Variants in FANCM observed in about 807,000 individuals in gnomAD.
FANCM encodes the protein FA complementation group M.
FANCM carries 140 observed loss-of-function variants against 199.5 expected under a neutral mutation model. That is an observed-to-expected ratio of 0.70 (90% CI 0.61 to 0.81). FANCM has a LOEUF of 0.81. Among genes scored for constraint, FANCM ranks in the 30% least tolerant of loss-of-function variants. The pLI is 0.00. For missense variants in FANCM, 2,410 were observed against 2,421.4 expected (o/e 1.00, Z 0.10); for synonymous variants, 840 against 836.8 (o/e 1.00, Z -0.07).
intron 21 of FANCM, among the ~76,000 whole-genome samples, chr14:45,196,899 G>A (rs1890090184): frequency 6.6e-6 from 1 of 152,222 alleles, no homozygotes; most frequent in Non-Finnish European, 1.5e-5. Flanking sequence ...GAGGAGTTGA[G>A]AATTACTGAG....
intron 20 of FANCM, among the ~76,000 whole-genome samples, chr14:45,191,545 T>C (rs1889766792): frequency 6.6e-6 from 1 of 152,206 alleles, no homozygotes; most frequent in Non-Finnish European, 1.5e-5. Flanking sequence ...ACTAACACTT[T>C]AAGCAATATT....
intron 2 of FANCM, 99 bp downstream of exon 2, chr14:45,137,340 TA>T: frequency 2.1e-6 from 2 of 940,382 alleles, no homozygotes; most frequent in Non-Finnish European, 3.4e-6. Flanking sequence ...ACAATATTAT[TA>T]TAAAAAGCCT....
chr14:45,170,396 A>G lies in FANCM; in HGVS notation c.2003-193A>G, dbSNP rs529015003. Among the ~76,000 whole-genome samples, 12 of 152,294 alleles carry G rather than the reference A, an allele frequency of 7.9e-5. No homozygotes were observed. In the East Asian group the frequency reaches 2.1e-3, roughly 27 times the overall value. Reference sequence around the variant, plus strand: ...AAGAAAAGTAGATGGGCCTGGTGGCATGAGCCTGTATTCCAGCTCCTGTGG... The same window carrying G: ...AAGAAAAGTAGATGGGCCTGGTGGCGTGAGCCTGTATTCCAGCTCCTGTGG... On this transcript the variant is annotated intron_variant, in intron 11 of 22. Coordinates refer to ENST00000267430, the MANE Select transcript of FANCM (RefSeq NM_020937.4).
chr14:45,175,945 G>T lies in FANCM; in HGVS notation c.3191G>T (p.Ser1064Ile). The T allele has an allele frequency of 1.9e-6, 3 of 1,613,342 alleles. No individual in the cohort carries two copies. The highest frequency in any genetic ancestry group is 4.5e-5 in the East Asian group (2 of 44,840). ...LKCINYPSEKSCLYDIPNDNI... is the reference protein window; with the variant it reads ...LKCINYPSEKICLYDIPNDNI... ...TGTATAAATTATCCATCTGAAAAAAGTTGCCTTTATGATATACCTAATGAT... is the reference window on the plus strand; with the variant it reads ...TGTATAAATTATCCATCTGAAAAAATTTGCCTTTATGATATACCTAATGAT... The change falls in exon 14 of 23, where the codon AGT becomes ATT. Residue 1064 changes from serine (S) to isoleucine (I), a missense_variant. By Grantham distance (142) the Ser-to-Ile change is moderately radical. Coordinates refer to ENST00000267430, the MANE Select transcript of FANCM (RefSeq NM_020937.4).
chr14:45,155,585 G>A (rs992236157), intron 8 of FANCM, 126 bp downstream of exon 8: 3 of 572,382 alleles, frequency 5.2e-6, no homozygotes, highest in Non-Finnish European at 6.5e-6. Flanking sequence ...GATCACGGGA[G>A]GTCAGGAGTT....
At chr14:45,144,944 A>G (rs1886255632) in intron 3 of FANCM, among the ~76,000 whole-genome samples, 1 of 151,852 alleles carries the variant, frequency 6.6e-6, no homozygotes, top group East Asian at 2.0e-4. Flanking sequence ...GCTGGGTTTC[A>G]CTGGAAGCCA....
At position 45,136,528 on chromosome 14, in the gene FANCM, C is replaced by G. The variant is rs555879731; in HGVS notation, c.497C>G (p.Ala166Gly). The G allele has an allele frequency of 2.5e-6, 4 of 1,613,704 alleles. No homozygotes were observed. Among genetic ancestry groups the G allele is most frequent in the Non-Finnish European group, 3.4e-6 (4 of 1,179,988 alleles). ...QVMGIPQSHMAEMTGSTQAST... is the reference protein window; with the variant it reads ...QVMGIPQSHMGEMTGSTQAST... The stretch of plus-strand genomic sequence containing the variant: ...ATGGGTATCCCGCAATCCCACATGG[C>G]CGAAATGACAGGTATCTTAGACTGG... Residue 166 changes from alanine to glycine, a missense_variant, in exon 1 of 23, where the codon GCC (alanine) becomes GGC (glycine). Physicochemically the swap from Ala to Gly is moderately conservative, Grantham distance 60 (BLOSUM62 0). Transcript: ENST00000267430.
chr14:45,141,743 C>T (rs539116851), intron 3 of FANCM, among the ~76,000 whole-genome samples: 1 of 151,730 alleles, frequency 6.6e-6, no homozygotes, highest in Non-Finnish European at 1.5e-5. Context: ...GCGTCCATCA[C>T]CACGCCTGGC....
At position 45,175,506 on chromosome 14, in the gene FANCM, A is replaced by G. The variant is rs757244993; in HGVS notation, c.2752A>G (p.Lys918Glu). ...ATGTACTATTAATGAAAATGTTATT[A>G]AAGAACCGTGTGTGTTATTAACAGA... The part of the protein sequence containing the change: ...ATCTINENVI[K>E]EPCVLLTECQ... Residue 918 changes from lysine to glutamate, a missense_variant, in exon 14 of 23, where the codon AAA becomes GAA. Coordinates refer to ENST00000267430, the MANE Select transcript of FANCM (RefSeq NM_020937.4). 38 of 1,612,934 alleles carry G rather than the reference A, an allele frequency of 2.4e-5. No individual in the cohort carries two copies. The highest frequency in any genetic ancestry group is 3.0e-5 in the Non-Finnish European group (35 of 1,179,336).
intron 9 of FANCM, among the ~76,000 whole-genome samples, chr14:45,162,563 A>G (rs1475513869): frequency 6.6e-6 from 1 of 152,188 alleles, no homozygotes; most frequent in Admixed American, 6.5e-5. Context: ...CAGTTATTGT[A>G]CTTACCTTGT....
intron 14 of FANCM, among the ~76,000 whole-genome samples, chr14:45,179,713 C>T (rs1888945513): frequency 6.6e-6 from 1 of 151,918 alleles, no homozygotes; most frequent in African/African-American, 2.4e-5. Flanking sequence ...AGGCGCCTGC[C>T]ACCACGCCCG....
rs8020533 is a variant in FANCM, at chr14:45,181,610, G to A, written c.4318-27G>A. 216,378 of 1,579,344 alleles carry A rather than the reference G, an allele frequency of 0.14. 17,702 individuals carry two copies. Among genetic ancestry groups the A allele is most frequent in the African/African-American group, 0.36 (26,519 of 74,196 alleles). The stretch of plus-strand genomic sequence containing the variant: ...TTGGGCTTCTGCTGAGACTTTTGTT[G>A]CCTTTTACTTTATTTACTTACTTTA... On this transcript the variant is annotated intron_variant, in intron 15 of 22. Transcript: ENST00000267430.
At position 45,148,200 on chromosome 14, in the gene FANCM, A is replaced by AACACACACACACACACAC. The variant is rs200351777; in HGVS notation, c.760-619_760-602dup. The stretch of plus-strand genomic sequence containing the variant: ...TGACAGAACGAGGCACCGTCTCAAA[A>AACACACACACACACACAC]ACACACACACACACACACACACACA... On this transcript the variant is annotated intron_variant, in intron 3 of 22. Transcript: ENST00000267430. 1.4e-3 allele frequency among the ~76,000 whole-genome samples: 197 copies of AACACACACACACACACAC among 142,430 alleles called. 2 individuals carry two copies. Among genetic ancestry groups the AACACACACACACACACAC allele is most frequent in the African/African-American group, 4.8e-3 (185 of 38,430 alleles). The allele number at this position is 142,430 out of a possible 152,430, so 93.4% of individuals were successfully genotyped here.
intron 14 of FANCM, among the ~76,000 whole-genome samples, chr14:45,180,069 C>T (rs950137793): frequency 3.9e-5 from 6 of 152,150 alleles, no homozygotes; most frequent in Admixed American, 1.3e-4. Context: ...AGTTCCAAAG[C>T]GACTTTCCCA....
At chr14:45,195,429 A>G in intron 20 of FANCM, 1 of 422,220 alleles carries the variant, frequency 2.4e-6, no homozygotes, top group South Asian at 1.7e-5. Context: ...TATGGAGTAG[A>G]TTTATTTTTT....
Position 45,175,353 on chromosome 14 carries a change from A to G in FANCM, c.2599A>G (p.Lys867Glu), listed in dbSNP as rs1888601587. Residue 867 changes from lysine (K) to glutamate (E), a missense_variant, in exon 14 of 23, where the codon AAA becomes GAA. Transcript: ENST00000267430. ...TAAAGAAATAAAAAAAGATCAGCTTAAAAAAGAAAATAATCACGGTATTAT... is the reference window on the plus strand; with the variant it reads ...TAAAGAAATAAAAAAAGATCAGCTTGAAAAAGAAAATAATCACGGTATTAT... ...VSKEIKKDQL[K>E]KENNHGIIDS... 6 of 1,559,212 alleles carry G rather than the reference A, an allele frequency of 3.8e-6. No homozygotes were observed. The highest frequency in any genetic ancestry group is 2.6e-6 in the Non-Finnish European group (3 of 1,150,956).
At position 45,164,711 on chromosome 14, in the gene FANCM, C is replaced by T. The variant is rs140267061; in HGVS notation, c.1788+146C>T. Reference sequence around the variant, plus strand: ...TCCCCCACTTTGTATTGGATTCTCTCTTGTAACTAGGAGAATTTTTGACTG... The same window carrying T: ...TCCCCCACTTTGTATTGGATTCTCTTTTGTAACTAGGAGAATTTTTGACTG... On this transcript the variant is annotated intron_variant, in intron 10 of 22. Coordinates refer to ENST00000267430, the MANE Select transcript of FANCM (RefSeq NM_020937.4). 6,588 of 667,422 alleles carry T rather than the reference C, an allele frequency of 9.9e-3. 48 individuals are homozygous for T. The highest frequency in any genetic ancestry group is 0.014 in the Non-Finnish European group (5,334 of 391,802). 41.3% of individuals were successfully genotyped at this position (667,422 alleles called of 1,614,324 possible). A position where few individuals can be genotyped will look rare whatever the true frequency, so the allele number is the denominator to read the frequency against.
At chr14:45,189,397 G>GATCTA in intron 20 of FANCM, 35 bp downstream of exon 20, 2 of 1,475,802 alleles carry the variant, frequency 1.4e-6, no homozygotes, top group Non-Finnish European at 1.9e-6. Context: ...ATCTTTAGAT[G>GATCTA]GTTACCAGAA....
chr14:45,181,666 A>G lies in FANCM; in HGVS notation c.4347A>G (p.Pro1449=), dbSNP rs1186362916. 6.2e-7 allele frequency: 1 copy of G among 1,611,736 alleles called. No homozygotes were observed. The highest frequency in any genetic ancestry group is 1.3e-5 in the African/African-American group (1 of 75,012). Residue 1449 remains proline, a synonymous_variant, in exon 16 of 23, where the codon CCA becomes CCG. Coordinates refer to ENST00000267430, the MANE Select transcript of FANCM (RefSeq NM_020937.4). ...EDQKNSEVDS[P]LHAVKKRRFP... The stretch of plus-strand genomic sequence containing the variant: ...AGAAAAATAGTGAAGTTGATTCTCC[A>G]CTTCATGCTGTCAAAAAGCGCAGAT...
Sources: allele counts gnomAD v4.1 joint callset (sites outside exome capture counted in the v4.1 genomes callset), GRCh38; gene constraint gnomAD v4.1.1; transcripts MANE v1.5; gene names NCBI Gene and HGNC (gene_info 2026-07-23, HGNC 2026-07-21).